The following PAX5 variants were observed in gnomAD, a reference collection of about 807,000 sequenced individuals.
PAX5 encodes paired box protein Pax-5.
PAX5 carries 9 observed loss-of-function variants against 43.7 expected under a neutral mutation model. The ratio of observed to expected loss-of-function variants is 0.21; its 90% CI spans 0.12 to 0.36. The LOEUF is 0.36. Ranked by LOEUF, PAX5 falls within the 10% of genes least tolerant of loss-of-function variation. The probability of loss-of-function intolerance (pLI) is 1.00; values close to 1 mark genes in which losing one functional copy is unlikely to be tolerated. For synonymous variants in PAX5, 228 were observed against 214.3 expected, an observed-to-expected ratio of 1.06 and a Z score of -0.56; for missense variants, 383 against 532.7, an observed-to-expected ratio of 0.72 and a Z score of 2.77.
intron 8 of PAX5, among the ~76,000 whole-genome samples, chr9:36,855,668 G>A (rs1013243346): frequency 6.6e-6 from 1 of 152,088 alleles, no homozygotes; most frequent in African/African-American, 2.4e-5. Context: ...AGGCCCTTCA[G>A]GGGCTGGTTC....
intron 5 of PAX5, among the ~76,000 whole-genome samples, chr9:36,991,092 G>A (rs1217631255): frequency 2.9e-5 from 4 of 137,466 alleles, no homozygotes; most frequent in African/African-American, 8.4e-5. Context: ...CTGGGCGGTA[G>A]AGCCAGACCT....
intron 6 of PAX5, among the ~76,000 whole-genome samples, chr9:36,955,724 G>A (rs115632231): frequency 0.089 from 13,332 of 149,762 alleles, 686 homozygotes; most frequent in African/African-American, 0.14. Flanking sequence ...CTGGCTTTGA[G>A]CTGCCTTTTA....
At chr9:37,012,486 T>C (rs1839023356) in intron 3 of PAX5, among the ~76,000 whole-genome samples, 1 of 152,172 alleles carries the variant, frequency 6.6e-6, no homozygotes, top group Admixed American at 6.5e-5. Context: ...GCCATGGCTT[T>C]GGACTGGACA....
At chr9:37,009,693 T>C (rs1172177320) in intron 3 of PAX5, among the ~76,000 whole-genome samples, 1 of 152,192 alleles carries the variant, frequency 6.6e-6, no homozygotes, top group Non-Finnish European at 1.5e-5. Flanking sequence ...AATTGGGTTG[T>C]TTGTAACACA....
chr9:36,854,743 C>G (rs1005439329), intron 8 of PAX5, among the ~76,000 whole-genome samples: 1 of 152,160 alleles, frequency 6.6e-6, no homozygotes, highest in African/African-American at 2.4e-5. Flanking sequence ...CCCCGACAGC[C>G]GTGCATCGAT....
At chr9:36,891,941 G>A (rs1827428773) in intron 7 of PAX5, among the ~76,000 whole-genome samples, 1 of 152,144 alleles carries the variant, frequency 6.6e-6, no homozygotes, top group South Asian at 2.1e-4. Context: ...CACCTCCCTG[G>A]AATCTCTGGA....
At chr9:36,993,511 T>G (rs1428379983) in intron 5 of PAX5, among the ~76,000 whole-genome samples, 1 of 152,132 alleles carries the variant, frequency 6.6e-6, no homozygotes, top group African/African-American at 2.4e-5. Flanking sequence ...AATTCATTGA[T>G]CTCCTGTTTT....
intron 7 of PAX5, among the ~76,000 whole-genome samples, chr9:36,906,233 A>G (rs145610156): frequency 1.3e-5 from 2 of 152,336 alleles, no homozygotes; most frequent in African/African-American, 4.8e-5. Context: ...GGGACTTTGC[A>G]GATGTGATTA....
At chr9:37,019,155 T>A (rs1839648559) in intron 2 of PAX5, among the ~76,000 whole-genome samples, 1 of 152,094 alleles carries the variant, frequency 6.6e-6, no homozygotes, top group African/African-American at 2.4e-5. Flanking sequence ...GTCTTGTCAT[T>A]TATCTATCTC....
intron 6 of PAX5, among the ~76,000 whole-genome samples, chr9:36,956,351 G>C (rs775578272): frequency 1.4e-4 from 21 of 152,346 alleles, no homozygotes; most frequent in Non-Finnish European, 2.9e-4. Context: ...ATCAAAAAGA[G>C]TGGAACAGAC....
At chr9:36,902,722 C>T (rs958809798) in intron 7 of PAX5, among the ~76,000 whole-genome samples, 7 of 152,210 alleles carry the variant, frequency 4.6e-5, no homozygotes, top group Non-Finnish European at 8.8e-5. Flanking sequence ...TAGCACAAGA[C>T]GGATTTTAAA....
chr9:36,942,727 G>A (rs569010214), intron 6 of PAX5, among the ~76,000 whole-genome samples: 2 of 152,344 alleles, frequency 1.3e-5, no homozygotes, highest in Admixed American at 1.3e-4. Context: ...CCATGATCAC[G>A]CCATTAATAA....
At chr9:36,968,961 G>A (rs1834691584) in intron 5 of PAX5, among the ~76,000 whole-genome samples, 1 of 152,120 alleles carries the variant, frequency 6.6e-6, no homozygotes, top group African/African-American at 2.4e-5. Context: ...CAGGAAAGAT[G>A]GCTCAGTTTT....
At chr9:37,007,496 A>G (rs1051542313) in intron 3 of PAX5, 4 of 152,228 alleles carry the variant, frequency 2.6e-5, no homozygotes, top group African/African-American at 9.6e-5. Context: ...AGGACCACGC[A>G]TGCGCAAGAC....
chr9:36,973,146 A>G (rs1450774070), intron 5 of PAX5, among the ~76,000 whole-genome samples: 1 of 126,282 alleles, frequency 7.9e-6, no homozygotes, highest in African/African-American at 3.0e-5. Flanking sequence ...AAAGGAAAGG[A>G]AAGGAAAGGA....
intron 5 of PAX5, among the ~76,000 whole-genome samples, chr9:37,002,033 G>A (rs938241803): frequency 3.3e-5 from 5 of 151,768 alleles, no homozygotes; most frequent in African/African-American, 1.2e-4. Context: ...AAAACCAACC[G>A]GGAAGATTGT....
intron 8 of PAX5, among the ~76,000 whole-genome samples, chr9:36,854,663 C>T (rs921774565): frequency 6.6e-6 from 1 of 152,182 alleles, no homozygotes; most frequent in Admixed American, 6.5e-5. Context: ...TTCCTCTCTC[C>T]ACAGCAAGAC....
chr9:36,846,556 C>T (rs891843813), intron 9 of PAX5, among the ~76,000 whole-genome samples: 1 of 152,206 alleles, frequency 6.6e-6, no homozygotes, highest in Non-Finnish European at 1.5e-5. Flanking sequence ...CTTTTCCTAC[C>T]TTCCTCTTTC....
intron 6 of PAX5, among the ~76,000 whole-genome samples, chr9:36,935,920 G>A (rs1221368454): frequency 2.0e-5 from 3 of 152,232 alleles, no homozygotes; most frequent in Non-Finnish European, 1.5e-5. Flanking sequence ...CCAGCACGGG[G>A]CCCCAGGGCC....
Sources: allele counts gnomAD v4.1 joint callset (sites outside exome capture counted in the v4.1 genomes callset), GRCh38; gene constraint gnomAD v4.1.1; transcripts MANE v1.5; gene names NCBI Gene and HGNC (gene_info 2026-07-23, HGNC 2026-07-21).